PDE1C: variants seen among roughly 807,000 people sequenced by gnomAD.
PDE1C encodes dual specificity calcium/calmodulin-dependent 3',5'-cyclic nucleotide phosphodiesterase 1C.
Under a neutral mutation model 93.1 loss-of-function variants are expected in PDE1C, and 62 were observed. That is an observed-to-expected ratio of 0.67 (90% confidence interval 0.54 to 0.82). The LOEUF (loss-of-function observed/expected upper bound fraction) is 0.82. PDE1C is among the 40% of genes least tolerant of loss of function. PDE1C has a pLI of 0.00. For missense variants in PDE1C, 742 were observed against 884.6 expected (o/e 0.84, Z 2.04); for synonymous variants, 325 against 310.1 (o/e 1.05, Z -0.50).
chr7:32,026,067 C>CACACACAT (rs144320033), intron 2 of PDE1C, among the ~76,000 whole-genome samples: 1 of 151,890 alleles, frequency 6.6e-6, no homozygotes, highest in Non-Finnish European at 1.5e-5. Flanking sequence ...CGTGTGCATG[C>CACACACAT]ACACACATAC....
chr7:31,739,997 C>A, the PDE1C span, among the ~76,000 whole-genome samples: 2 of 152,170 alleles, frequency 1.3e-5, no homozygotes, highest in Non-Finnish European at 2.9e-5. Context: ...TGAGAACTGG[C>A]CTACACGTTC....
At chr7:32,305,310 C>A (rs1215060236) in intron 1 of PDE1C, among the ~76,000 whole-genome samples, 3 of 152,184 alleles carry the variant, frequency 2.0e-5, no homozygotes, top group African/African-American at 7.2e-5. Flanking sequence ...ATCCAGGGCA[C>A]AGCTTCCTCC....
the PDE1C span, among the ~76,000 whole-genome samples, chr7:31,741,039 C>T: frequency 7.1e-6 from 1 of 141,558 alleles, no homozygotes; most frequent in Non-Finnish European, 1.5e-5. Flanking sequence ...TCCAGCCTGG[C>T]CAACAGACAA....
At chr7:32,095,477 C>T (rs1797702507) in intron 3 of PDE1C, among the ~76,000 whole-genome samples, 1 of 152,174 alleles carries the variant, frequency 6.6e-6, no homozygotes, top group African/African-American at 2.4e-5. Context: ...AACTGGTTCA[C>T]CCTTTGCTAC....
chr7:31,722,579 G>A, the PDE1C span, among the ~76,000 whole-genome samples: 1 of 152,190 alleles, frequency 6.6e-6, no homozygotes, highest in Admixed American at 6.5e-5. Flanking sequence ...ATCTGAGGGT[G>A]GATGGAGCTG....
chr7:31,644,835 T>C, the PDE1C span, among the ~76,000 whole-genome samples: 3,434 of 152,272 alleles, frequency 0.023, 46 homozygotes, highest in Middle Eastern at 0.054. Context: ...ACAGAGAATA[T>C]AGGTTGCAGC....
At position 32,086,467 on chromosome 7, in the gene PDE1C, C is replaced by T. The variant is rs62457522; in HGVS notation, c.308+83318G>A. 9.4e-3 allele frequency among the ~76,000 whole-genome samples: 1,425 copies of T among 152,268 alleles called. 82 individuals are homozygous for T. In the East Asian group the frequency reaches 0.17, roughly 18 times the overall value. On this transcript the variant is annotated intron_variant, in intron 3 of 18. Transcript: ENST00000396193. ...TAGATTCAATGCCATCCTCATCAAG[C>T]TACCAATGACTTTCTTCACAGAATT...
intron 2 of PDE1C, among the ~76,000 whole-genome samples, chr7:31,936,225 G>A (rs1341909225): frequency 6.6e-6 from 1 of 152,060 alleles, no homozygotes; most frequent in Non-Finnish European, 1.5e-5. Context: ...AGCAGGGAAT[G>A]GTCCATAAAA....
Position 31,828,045 on chromosome 7 carries a change from C to A in PDE1C, c.1285+247G>T, listed in dbSNP as rs1034302122. ...TTATCTCCTTGGAAAGTTGGGGCCC[C>A]CTCTTTCTCTTGACAGGGAATGACA... On this transcript the variant is annotated intron_variant, in intron 12 of 17. Transcript: ENST00000396191. Among the ~76,000 whole-genome samples, 6 of 152,012 alleles carry A rather than the reference C, an allele frequency of 3.9e-5. No homozygotes were observed. The East Asian group carries it at 1.2e-3, about 29-fold the overall frequency.
At chr7:31,638,870 A>G in the PDE1C span, among the ~76,000 whole-genome samples, 1 of 152,066 alleles carries the variant, frequency 6.6e-6, no homozygotes, top group Admixed American at 6.6e-5. Context: ...TCCACCTCCC[A>G]GGTTCGAGCA....
chr7:32,282,781 C>T (rs909727064), intron 1 of PDE1C, among the ~76,000 whole-genome samples: 3 of 151,804 alleles, frequency 2.0e-5, no homozygotes, highest in Non-Finnish European at 4.4e-5. Flanking sequence ...GGGGTTTCAC[C>T]GTATTAGCCA....
At chr7:32,130,504 C>T (rs1799855425) in intron 3 of PDE1C, among the ~76,000 whole-genome samples, 1 of 152,106 alleles carries the variant, frequency 6.6e-6, no homozygotes, top group Non-Finnish European at 1.5e-5. Context: ...TCAGGTACTA[C>T]TGTCCTAGTA....
chr7:31,932,053 T>C (rs577378061), intron 2 of PDE1C, among the ~76,000 whole-genome samples: 2 of 152,156 alleles, frequency 1.3e-5, no homozygotes, highest in South Asian at 4.1e-4. Flanking sequence ...TTACACCTTA[T>C]ACAAAAATTA....
intron 1 of PDE1C, among the ~76,000 whole-genome samples, chr7:32,329,347 A>C (rs1443115826): frequency 6.6e-6 from 1 of 152,204 alleles, no homozygotes; most frequent in Non-Finnish European, 1.5e-5. Context: ...TCATTTATAC[A>C]TCAACGTAGC....
the PDE1C span, among the ~76,000 whole-genome samples, chr7:31,654,648 G>A: frequency 6.6e-6 from 1 of 152,114 alleles, no homozygotes; most frequent in African/African-American, 2.4e-5. Context: ...TCCCACCCCA[G>A]TGGAAATGCA....
rs10253441 is a variant in PDE1C, at chr7:32,196,384, T to C, written c.136+13105A>G. The stretch of plus-strand genomic sequence containing the variant: ...GAGAGTAGAGTTATGTTAGGGCTCT[T>C]TTTTTGGGTACCTGTTGTCATTTCC... On this transcript the variant is annotated intron_variant, in intron 2 of 18. Transcript: ENST00000396193. Among the ~76,000 whole-genome samples the C allele has an allele frequency of 4.2e-3, 642 of 152,232 alleles. 7 individuals are homozygous for C. The highest frequency in any genetic ancestry group is 0.015 in the African/African-American group (611 of 41,538).
At chr7:31,922,129 T>G (rs908860067) in intron 2 of PDE1C, among the ~76,000 whole-genome samples, 1 of 152,194 alleles carries the variant, frequency 6.6e-6, no homozygotes, top group Non-Finnish European at 1.5e-5. Context: ...GCATGAAGAA[T>G]GAAAAAGGAG....
At chr7:31,803,093 C>T (rs1327786471) in intron 16 of PDE1C, among the ~76,000 whole-genome samples, 3 of 151,296 alleles carry the variant, frequency 2.0e-5, no homozygotes, top group African/African-American at 7.3e-5. Context: ...TTTCTATTTC[C>T]TTTTGGGTAG....
chr7:31,783,341 T>C (rs1783588186), intron 16 of PDE1C, among the ~76,000 whole-genome samples: 1 of 152,138 alleles, frequency 6.6e-6, no homozygotes, highest in South Asian at 2.1e-4. Context: ...TCATACTCTG[T>C]GTATGTCTTT....
Sources: gnomAD v4.1 joint callset for allele counts (sites outside exome capture counted in the v4.1 genomes callset) on GRCh38, gnomAD v4.1.1 for gene constraint, MANE v1.5 for transcripts, NCBI Gene and HGNC (gene_info 2026-07-23, HGNC 2026-07-21) for gene names.